Variants in PLXNA2 observed in about 807,000 individuals in gnomAD.
PLXNA2 encodes the protein plexin-A2.
Under a neutral mutation model 193.5 loss-of-function variants are expected in PLXNA2, and 91 were observed. The observed-to-expected ratio is 0.47, with a 90% CI of 0.40 to 0.56. PLXNA2 has a LOEUF of 0.56. Among genes scored for constraint, PLXNA2 ranks in the 20% least tolerant of loss-of-function variants. The probability of loss-of-function intolerance (pLI) is 0.00; values close to 1 mark genes in which losing one functional copy is unlikely to be tolerated. For synonymous variants in PLXNA2, 997 were observed against 1,027.3 expected, an observed-to-expected ratio of 0.97 and a Z score of 0.56; for missense variants, 1,995 against 2,503.2, an observed-to-expected ratio of 0.80 and a Z score of 4.33.
intron 3 of PLXNA2, chr1:208,209,926 G>C: frequency 4.4e-6 from 1 of 229,054 alleles, no homozygotes; most frequent in Non-Finnish European, 8.4e-6. Context: ...CGATTTTGGA[G>C]ATTTATAATG....
At chr1:208,060,130 C>T (rs1665568492) in intron 13 of PLXNA2, among the ~76,000 whole-genome samples, 1 of 152,214 alleles carries the variant, frequency 6.6e-6, no homozygotes. Context: ...ACCAACTCCA[C>T]AGCAGCCACC....
chr1:208,216,091 G>A (rs745397043), intron 2 of PLXNA2, among the ~76,000 whole-genome samples: 2 of 152,136 alleles, frequency 1.3e-5, no homozygotes, highest in Admixed American at 6.5e-5. Context: ...CATTACTTCT[G>A]ATGGACCCCA....
chr1:208,127,360 C>G (rs567502191), intron 4 of PLXNA2, among the ~76,000 whole-genome samples: 1 of 152,338 alleles, frequency 6.6e-6, no homozygotes, highest in Admixed American at 6.5e-5. Flanking sequence ...ACCATTAACT[C>G]CTGCAGCCAA....
chr1:208,222,350 C>CTCT (rs1671364688), intron 1 of PLXNA2, among the ~76,000 whole-genome samples: 1 of 152,200 alleles, frequency 6.6e-6, no homozygotes, highest in Non-Finnish European at 1.5e-5. Context: ...TCTGTTCTAC[C>CTCT]AGTTTCCCTC....
At chr1:208,124,846 C>T (rs1667923448) in intron 4 of PLXNA2, among the ~76,000 whole-genome samples, 1 of 151,846 alleles carries the variant, frequency 6.6e-6, no homozygotes, top group South Asian at 2.1e-4. Flanking sequence ...AAATTGTCCA[C>T]AGCTAGGCCA....
At chr1:208,132,294 C>A (rs947805062) in intron 4 of PLXNA2, among the ~76,000 whole-genome samples, 1 of 152,134 alleles carries the variant, frequency 6.6e-6, no homozygotes, top group African/African-American at 2.4e-5. Context: ...GCCTCTGAAC[C>A]CTTTTCCTAA....
chr1:208,067,867 C>T (rs1665847844), intron 12 of PLXNA2, among the ~76,000 whole-genome samples: 2 of 152,180 alleles, frequency 1.3e-5, no homozygotes, highest in Non-Finnish European at 2.9e-5. Flanking sequence ...ACAGCTATAG[C>T]TTTATAGGGT....
chr1:208,172,388 T>C (rs185389673), intron 3 of PLXNA2, among the ~76,000 whole-genome samples: 3 of 152,224 alleles, frequency 2.0e-5, no homozygotes, highest in South Asian at 4.2e-4. Context: ...GCTCTCTACT[T>C]TGACATTGCT....
chr1:208,079,513 C>G, intron 11 of PLXNA2, 63 bp from the exon 12 acceptor site: 3 of 1,247,230 alleles, frequency 2.4e-6, no homozygotes, highest in Non-Finnish European at 3.4e-6. Flanking sequence ...GCACCCTCCT[C>G]TTGCAGGTGT....
In PLXNA2 at chr1:208,028,948, C is replaced by T; in HGVS notation, c.5320G>A (p.Val1774Met). Reference sequence around the variant, plus strand: ...CAAGAGTCCATGAAGGTCTGGGCCACCACAGAGAGGCAGGCGTCCGTGATG... The same window carrying T: ...CAAGAGTCCATGAAGGTCTGGGCCATCACAGAGAGGCAGGCGTCCGTGATG... ...GSITDACLSV[V>M]AQTFMDSCST... Residue 1774 changes from valine (V) to methionine (M), a missense_variant, in exon 30 of 32, where the codon GTG becomes ATG. By Grantham distance (21) the Val-to-Met change is conservative. Transcript: ENST00000367033. The surrounding 1 kb of genome is among the most constrained non-coding windows in gnomAD (Gnocchi z 4.2). The T allele has an allele frequency of 6.2e-7, 1 of 1,614,144 alleles. No individual in the cohort carries two copies. Among genetic ancestry groups the T allele is most frequent in the Non-Finnish European group, 8.5e-7 (1 of 1,180,018 alleles).
chr1:208,132,050 T>G (rs1350382620), intron 4 of PLXNA2, among the ~76,000 whole-genome samples: 6 of 152,182 alleles, frequency 3.9e-5, no homozygotes, highest in Non-Finnish European at 2.9e-5. Context: ...GTGAGGCGCT[T>G]GGCTGGCTGC....
chr1:208,227,036 C>T (rs924429497), intron 1 of PLXNA2, among the ~76,000 whole-genome samples: 7 of 152,220 alleles, frequency 4.6e-5, no homozygotes, highest in Non-Finnish European at 1.0e-4. Flanking sequence ...ACCATCTTAT[C>T]AATTGAGTTG....
At chr1:208,157,859 A>G (rs1158986792) in intron 3 of PLXNA2, among the ~76,000 whole-genome samples, 1 of 152,250 alleles carries the variant, frequency 6.6e-6, no homozygotes, top group African/African-American at 2.4e-5. Context: ...TCTGGCCAAG[A>G]GATTCTTCTC....
chr1:208,108,275 C>T (rs1240492842), intron 4 of PLXNA2, among the ~76,000 whole-genome samples: 30 of 152,152 alleles, frequency 2.0e-4, no homozygotes, highest in Admixed American at 2.0e-3. Context: ...AGCCACTGGA[C>T]CCAGCCTCTT....
chr1:208,186,481 G>A (rs1670001938), intron 3 of PLXNA2, among the ~76,000 whole-genome samples: 4 of 152,166 alleles, frequency 2.6e-5, no homozygotes, highest in Admixed American at 2.0e-4. Context: ...AGCCTTTCTT[G>A]TTTTGTATTC....
chr1:208,231,885 T>C (rs773173958), intron 1 of PLXNA2, among the ~76,000 whole-genome samples: 2 of 152,234 alleles, frequency 1.3e-5, no homozygotes, highest in Admixed American at 1.3e-4. Flanking sequence ...AACTGATATA[T>C]CTTGGAAGAG....
chr1:208,210,591 G>A (rs1186093552), intron 2 of PLXNA2, 129 bp from the exon 3 acceptor site: 3 of 718,998 alleles, frequency 4.2e-6, no homozygotes, highest in African/African-American at 3.6e-5. Context: ...GAGTTCAGGG[G>A]CCCTAATACA....
chr1:208,045,254 C>A (rs138434628), intron 18 of PLXNA2, 44 bp from the exon 19 acceptor site: 91 of 1,591,098 alleles, frequency 5.7e-5, no homozygotes, highest in Non-Finnish European at 7.3e-5. Context: ...GACACATGCA[C>A]GCACAAGTTA....
Position 208,244,264 on chromosome 1 carries a change from G to T in PLXNA2, c.-702C>A. ...TCCGCCGCCCTCCCGCTCCAGTCTG[G>T]CGCGGATGCCGCTCCTCCCGGCAGC... On this transcript the variant is annotated 5_prime_UTR_variant, in exon 1 of 32. Coordinates refer to ENST00000367033, the MANE Select transcript of PLXNA2 (RefSeq NM_025179.4). The T allele has an allele frequency of 5.1e-6, 1 of 195,310 alleles. No individual in the cohort carries two copies. 12.1% of individuals were successfully genotyped at this position (195,310 alleles called of 1,614,324 possible).
Sources: allele counts gnomAD v4.1 joint callset (sites outside exome capture counted in the v4.1 genomes callset), GRCh38; gene constraint gnomAD v4.1.1; non-coding constraint Gnocchi (gnomAD v3.1); transcripts MANE v1.5; gene names NCBI Gene and HGNC (gene_info 2026-07-23, HGNC 2026-07-21).